TBC1D19: variants seen among roughly 807,000 people sequenced by gnomAD.
TBC1D19 encodes the protein TBC1 domain family, member 19.
Under a neutral mutation model 89.0 loss-of-function variants are expected in TBC1D19, and 60 were observed. The observed-to-expected ratio is 0.67, with a 90% confidence interval of 0.55 to 0.84. The LOEUF (loss-of-function observed/expected upper bound fraction) is 0.84, where lower values mean the gene tolerates loss of function less well. Among genes scored for constraint, TBC1D19 ranks in the 40% least tolerant of loss-of-function variants. The probability of loss-of-function intolerance (pLI) is 0.00; values close to 1 mark genes in which losing one functional copy is unlikely to be tolerated. For missense variants in TBC1D19, 500 were observed against 610.8 expected (o/e 0.82, Z 1.91); for synonymous variants, 189 against 199.7 (o/e 0.95, Z 0.45).
chr4:26,621,600 G>T (rs1358606879), intron 4 of TBC1D19, among the ~76,000 whole-genome samples: 2 of 151,848 alleles, frequency 1.3e-5, no homozygotes, highest in Non-Finnish European at 2.9e-5. Context: ...TGGAAATTAG[G>T]CACTTTTTTC....
the TBC1D19 span, among the ~76,000 whole-genome samples, chr4:26,848,984 G>A: frequency 0.066 from 10,070 of 152,004 alleles, 862 homozygotes; most frequent in African/African-American, 0.2. Flanking sequence ...CTTGGGTCCC[G>A]GAGTTTGAGA....
At chr4:26,667,122 T>C (rs1373608722) in intron 9 of TBC1D19, among the ~76,000 whole-genome samples, 1 of 152,044 alleles carries the variant, frequency 6.6e-6, no homozygotes, top group African/African-American at 2.4e-5. Context: ...ATTATTACTA[T>C]GTAATCAGAA....
chr4:26,775,363 A>G, the TBC1D19 span, among the ~76,000 whole-genome samples: 1 of 152,194 alleles, frequency 6.6e-6, no homozygotes, highest in African/African-American at 2.4e-5. Context: ...CTAAAGTGGG[A>G]AGATCACTTG....
chr4:26,674,734 T>A (rs1241795844), intron 11 of TBC1D19, among the ~76,000 whole-genome samples: 1 of 151,980 alleles, frequency 6.6e-6, no homozygotes, highest in East Asian at 1.9e-4. Context: ...TTAAATGAAA[T>A]AACGTACATG....
the TBC1D19 span, among the ~76,000 whole-genome samples, chr4:26,800,219 T>C: frequency 1.3e-5 from 2 of 152,178 alleles, no homozygotes; most frequent in African/African-American, 2.4e-5. Context: ...TGTGTTCTCA[T>C]TGTTCAATTC....
intron 1 of TBC1D19, among the ~76,000 whole-genome samples, chr4:26,611,712 T>C (rs1255753150): frequency 6.6e-6 from 1 of 152,136 alleles, no homozygotes; most frequent in Admixed American, 6.6e-5. Flanking sequence ...TTGCAAAGAA[T>C]CATTTCCCCT....
intron 15 of TBC1D19, among the ~76,000 whole-genome samples, 160 bp downstream of exon 15, chr4:26,720,285 G>T (rs76450819): frequency 0.011 from 1,709 of 152,156 alleles, 34 homozygotes; most frequent in African/African-American, 0.04. Context: ...CACATTTGTG[G>T]TAGGTTTGTG....
At chr4:26,828,847 G>A in the TBC1D19 span, among the ~76,000 whole-genome samples, 1 of 152,222 alleles carries the variant, frequency 6.6e-6, no homozygotes, top group African/African-American at 2.4e-5. Context: ...TTACACTAGG[G>A]CTTGGTCATT....
At chr4:26,616,516 A>G (rs936653464) in intron 3 of TBC1D19, among the ~76,000 whole-genome samples, 1 of 152,212 alleles carries the variant, frequency 6.6e-6, no homozygotes, top group Non-Finnish European at 1.5e-5. Flanking sequence ...GGCAGCAACC[A>G]TTAGATGGAT....
chr4:26,648,377 T>C (rs1207985959), intron 7 of TBC1D19, among the ~76,000 whole-genome samples: 1 of 152,190 alleles, frequency 6.6e-6, no homozygotes, highest in Admixed American at 6.5e-5. Flanking sequence ...AGGTTAGTTT[T>C]GGTCATAAAA....
chr4:26,704,105 A>C (rs1371174987), intron 13 of TBC1D19, among the ~76,000 whole-genome samples: 1 of 152,214 alleles, frequency 6.6e-6, no homozygotes, highest in Non-Finnish European at 1.5e-5. Flanking sequence ...TTTAGTAATA[A>C]GCCAATCCTT....
At chr4:26,719,952 A>G (rs1716869574) in intron 14 of TBC1D19, 129 bp from the exon 15 acceptor site, 1 of 614,004 alleles carries the variant, frequency 1.6e-6, no homozygotes. Context: ...TTAATTTCAT[A>G]TCATGAAATG....
At chr4:26,695,502 C>A (rs570247472) in intron 13 of TBC1D19, among the ~76,000 whole-genome samples, 105 of 152,150 alleles carry the variant, frequency 6.9e-4, no homozygotes, top group African/African-American at 2.5e-3. Flanking sequence ...TAAGGAAATA[C>A]AGAGAATGCC....
chr4:26,818,789 C>T, the TBC1D19 span, among the ~76,000 whole-genome samples: 1 of 152,168 alleles, frequency 6.6e-6, no homozygotes, highest in East Asian at 1.9e-4. Flanking sequence ...GCATCTAGGA[C>T]CCCCAGAAGT....
chr4:26,654,512 AG>A (rs1229556942), intron 7 of TBC1D19, among the ~76,000 whole-genome samples: 1 of 152,210 alleles, frequency 6.6e-6, no homozygotes. Flanking sequence ...CAGGTACACC[AG>A]TCAGACACAG....
Position 26,754,969 on chromosome 4 carries a change from A to G in TBC1D19, c.*22A>G, listed in dbSNP as rs755061675. The G allele has an allele frequency of 1.3e-6, 2 of 1,585,328 alleles. No individual in the cohort carries two copies. Among genetic ancestry groups the G allele is most frequent in the South Asian group, 2.3e-5 (2 of 86,360 alleles). ...CTGATCTTCTTCACAGTCACTGGCA[A>G]CACATCTAGTTTTTCATTAGAAACA... is the stretch of plus-strand genomic sequence containing the variant. On this transcript the variant is annotated 3_prime_UTR_variant, in exon 21 of 21. Transcript: ENST00000264866.
the TBC1D19 span, among the ~76,000 whole-genome samples, chr4:26,814,599 G>A: frequency 1.2e-4 from 18 of 152,222 alleles, no homozygotes; most frequent in Middle Eastern, 3.2e-3. Flanking sequence ...CAGTGCTTTA[G>A]TCTTATACTG....
the TBC1D19 span, among the ~76,000 whole-genome samples, chr4:26,805,978 A>G: frequency 6.6e-6 from 1 of 151,734 alleles, no homozygotes; most frequent in Admixed American, 6.6e-5. Flanking sequence ...CTCAAAAAAA[A>G]AGGGAAAGAA....
intron 1 of TBC1D19, among the ~76,000 whole-genome samples, chr4:26,577,489 A>C (rs1738999127): frequency 6.6e-6 from 1 of 152,218 alleles, no homozygotes; most frequent in Non-Finnish European, 1.5e-5. Context: ...GGAAAATTGG[A>C]AATGGGTTTT....
Sources: allele counts gnomAD v4.1 joint callset (sites outside exome capture counted in the v4.1 genomes callset), GRCh38; gene constraint gnomAD v4.1.1; transcripts MANE v1.5; gene names NCBI Gene and HGNC (gene_info 2026-07-23, HGNC 2026-07-21).